Variants in GNG4 observed in about 807,000 individuals in gnomAD.
The protein encoded by GNG4 is guanine nucleotide-binding protein G(I)/G(S)/G(O) subunit gamma-4.
A neutral mutation model predicts 5.8 loss-of-function variants in GNG4; 4 were observed. The ratio of observed to expected loss-of-function variants is 0.69; its 90% CI spans 0.34 to 1.57. The LOEUF is 1.57. Among genes scored for constraint, GNG4 ranks in the 40% most tolerant of loss-of-function variants. The pLI, the probability that GNG4 is intolerant of heterozygous loss-of-function variation, is 0.06. For missense variants in GNG4, 96 were observed against 95.1 expected (o/e 1.01, Z -0.04); for synonymous variants, 29 against 32.9 (o/e 0.88, Z 0.41).
At chr1:235,576,864 T>G (rs1157122758) in intron 3 of GNG4, among the ~76,000 whole-genome samples, 1 of 152,142 alleles carries the variant, frequency 6.6e-6, no homozygotes, top group African/African-American at 2.4e-5. Flanking sequence ...CCTACTGAAG[T>G]CTATATTTGC....
At chr1:235,585,102 C>T (rs1220680987) in intron 2 of GNG4, among the ~76,000 whole-genome samples, 2 of 151,808 alleles carry the variant, frequency 1.3e-5, no homozygotes, top group South Asian at 2.1e-4. Context: ...CTTCTTTTTT[C>T]TCCTTCCTTC....
At chr1:235,560,169 C>T (rs1209386650) in intron 3 of GNG4, among the ~76,000 whole-genome samples, 1 of 152,222 alleles carries the variant, frequency 6.6e-6, no homozygotes, top group Admixed American at 6.5e-5. Context: ...AACGGCAACA[C>T]CTGCTGGTTT....
At chr1:235,586,523 A>G (rs537942577) in intron 2 of GNG4, among the ~76,000 whole-genome samples, 1 of 152,140 alleles carries the variant, frequency 6.6e-6, no homozygotes, top group African/African-American at 2.4e-5. Flanking sequence ...GTTCCCTCCA[A>G]ATCTCATGAC....
intron 1 of GNG4, among the ~76,000 whole-genome samples, chr1:235,607,319 A>G (rs1365510921): frequency 6.7e-6 from 1 of 150,102 alleles, no homozygotes. Flanking sequence ...CTTAGTGCCA[A>G]TAAAACTAAT....
chr1:235,590,672 G>C (rs1168869433), intron 2 of GNG4, among the ~76,000 whole-genome samples: 3 of 152,166 alleles, frequency 2.0e-5, no homozygotes, highest in African/African-American at 7.2e-5. Flanking sequence ...GCGATTTCAT[G>C]TGTGCGTGTT....
At chr1:235,636,636 G>A (rs569793127) in intron 1 of GNG4, among the ~76,000 whole-genome samples, 19 of 152,282 alleles carry the variant, frequency 1.2e-4, no homozygotes, top group South Asian at 6.2e-4. Flanking sequence ...AGATGTTGGT[G>A]AGCCTCAATC....
intron 1 of GNG4, among the ~76,000 whole-genome samples, chr1:235,600,129 T>TTTTTTTTTTTTA (rs1289825136): frequency 2.7e-5 from 3 of 113,106 alleles, no homozygotes; most frequent in African/African-American, 1.0e-4. Flanking sequence ...TTTTTTTTTT[T>TTTTTTTTTTTTA]AGACAGGCAG....
intron 1 of GNG4, among the ~76,000 whole-genome samples, chr1:235,628,703 T>C (rs902489099): frequency 1.2e-4 from 18 of 152,284 alleles, no homozygotes; most frequent in Middle Eastern, 6.8e-3. Context: ...GAAAAGTCAC[T>C]TTTCCCCGCA....
chr1:235,550,176 T>G lies in GNG4; in HGVS notation c.*1933A>C, dbSNP rs1221992976. On this transcript the variant is annotated 3_prime_UTR_variant, in exon 4 of 4. Coordinates refer to ENST00000391854, the MANE Select transcript of GNG4 (RefSeq NM_001098722.2). ...GGACCTTCAGGTTGATCTTAGACAA[T>G]CCAAGAGCTAATTCATCGATGTCTA... is the stretch of plus-strand genomic sequence containing the variant. 1.3e-5 allele frequency: 2 copies of G among 152,326 alleles called. No individual in the cohort carries two copies. The highest frequency in any genetic ancestry group is 3.9e-4 in the East Asian group (2 of 5,172). The allele number at this position is 152,326 out of a possible 1,614,324, so 9.4% of individuals were successfully genotyped here.
chr1:235,631,185 C>G (rs901933595), intron 1 of GNG4, among the ~76,000 whole-genome samples: 1 of 152,142 alleles, frequency 6.6e-6, no homozygotes, highest in Non-Finnish European at 1.5e-5. Context: ...AGGTGTGAGC[C>G]ACTGTGCCCA....
chr1:235,561,728 G>A (rs1233658416), intron 3 of GNG4, among the ~76,000 whole-genome samples: 2 of 152,186 alleles, frequency 1.3e-5, no homozygotes, highest in Non-Finnish European at 2.9e-5. Flanking sequence ...CTTTTATCAG[G>A]CATGTGTTTG....
At chr1:235,583,689 G>T in intron 3 of GNG4, 51 bp downstream of exon 3, 3 of 1,214,020 alleles carry the variant, frequency 2.5e-6, no homozygotes, top group Non-Finnish European at 3.6e-6. Context: ...CAGGAGGAAT[G>T]TTTTGAGCTG....
In GNG4 at chr1:235,549,723, AG is replaced by A. The variant is rs1686689965; in HGVS notation, c.*2385del. 6.6e-6 allele frequency: 1 copy of A among 152,256 alleles called. No homozygotes were observed. Among genetic ancestry groups the A allele is most frequent in the Non-Finnish European group, 1.5e-5 (1 of 68,048 alleles). The allele number at this position is 152,256 out of a possible 1,614,324, so 9.4% of individuals were successfully genotyped here. On this transcript the variant is annotated 3_prime_UTR_variant, in exon 4 of 4. Coordinates refer to ENST00000391854, the MANE Select transcript of GNG4 (RefSeq NM_001098722.2). ...TTTTAACAAAAGAAGCAAGGAACAA[AG>A]ATGTCCTAAATCCATTTACGAGGGC...
chr1:235,562,269 A>T (rs1399826757), intron 3 of GNG4, among the ~76,000 whole-genome samples: 1 of 152,192 alleles, frequency 6.6e-6, no homozygotes, highest in Non-Finnish European at 1.5e-5. Flanking sequence ...CTTCTCCTTC[A>T]GTATTTTATT....
chr1:235,593,315 G>A (rs1325748921), intron 2 of GNG4, among the ~76,000 whole-genome samples: 4 of 152,186 alleles, frequency 2.6e-5, no homozygotes, highest in African/African-American at 7.2e-5. Flanking sequence ...AGTTGGGGCT[G>A]GGAGACCAAT....
chr1:235,618,225 G>A (rs1213407496), intron 1 of GNG4, among the ~76,000 whole-genome samples: 4 of 152,326 alleles, frequency 2.6e-5, no homozygotes, highest in African/African-American at 9.6e-5. Flanking sequence ...TTTGCAGAAT[G>A]GCAGCCCAGT....
chr1:235,559,214 A>G (rs749897594), intron 3 of GNG4, among the ~76,000 whole-genome samples: 15 of 152,204 alleles, frequency 9.9e-5, no homozygotes, highest in Non-Finnish European at 2.2e-4. Context: ...ACAAAGCAGG[A>G]TTACAGTTAA....
chr1:235,587,924 G>C (rs201336378), intron 2 of GNG4, among the ~76,000 whole-genome samples: 1 of 89,896 alleles, frequency 1.1e-5, no homozygotes, highest in South Asian at 3.8e-4. Flanking sequence ...GTATAAGTGT[G>C]AGTCCTTGAG....
chr1:235,621,269 TTTTTTC>T (rs1161251032), intron 1 of GNG4, among the ~76,000 whole-genome samples: 61 of 142,298 alleles, frequency 4.3e-4, no homozygotes, highest in African/African-American at 1.7e-3. Flanking sequence ...TTTCTTTCCT[TTTTTTC>T]TTTTTCTTTT....
Sources: gnomAD v4.1 joint callset for allele counts (sites outside exome capture counted in the v4.1 genomes callset) on GRCh38, gnomAD v4.1.1 for gene constraint, MANE v1.5 for transcripts, NCBI Gene and HGNC (gene_info 2026-07-23, HGNC 2026-07-21) for gene names.